Variants in ZNF469 observed in about 807,000 individuals in gnomAD.
ZNF469 encodes the protein zinc finger protein 469.
In ZNF469, 1 loss-of-function variant was observed where a neutral mutation model predicts 1.0. The ratio of observed to expected loss-of-function variants is 1.00; its 90% CI spans 0.35 to 4.73. The LOEUF is 4.73. Among genes scored for constraint, ZNF469 ranks in the 30% most tolerant of loss-of-function variants. The probability of loss-of-function intolerance (pLI) is 0.16; values close to 1 mark genes in which losing one functional copy is unlikely to be tolerated. For missense variants in ZNF469, 6,100 were observed against 5,356.3 expected, an observed-to-expected ratio of 1.14 and a Z score of -4.33; for synonymous variants, 2,703 against 2,363.4, an observed-to-expected ratio of 1.14 and a Z score of -4.17.
At chr16:88,234,808 G>A in the ZNF469 span, 2 of 152,356 alleles carry the variant, frequency 1.3e-5, no homozygotes, top group South Asian at 2.1e-4. Flanking sequence ...GCCAGGCCTC[G>A]TTCCCATCAG....
chr16:88,239,659 TTTTTTTTG>T, the ZNF469 span, among the ~76,000 whole-genome samples: 35 of 113,196 alleles, frequency 3.1e-4, no homozygotes, highest in African/African-American at 1.2e-3. Flanking sequence ...GGCTTATTTT[TTTTTTTTG>T]TATATATATA....
At chr16:88,279,923 CG>C in the ZNF469 span, among the ~76,000 whole-genome samples, 1 of 145,774 alleles carries the variant, frequency 6.9e-6, no homozygotes, top group African/African-American at 2.6e-5. Context: ...CGGTCAGTAC[CG>C]TGTAGATATC....
chr16:88,198,859 G>A, the ZNF469 span, among the ~76,000 whole-genome samples: 3 of 152,210 alleles, frequency 2.0e-5, no homozygotes, highest in Admixed American at 6.5e-5. Flanking sequence ...TGCAGCAGAC[G>A]TGAGCCTGTG....
chr16:88,176,489 G>A, the ZNF469 span, among the ~76,000 whole-genome samples: 1 of 152,100 alleles, frequency 6.6e-6, no homozygotes, highest in Non-Finnish European at 1.5e-5. Flanking sequence ...GCCAGGCCAT[G>A]CCTCCAGCCC....
At chr16:88,341,308 G>A in the ZNF469 span, among the ~76,000 whole-genome samples, 5 of 152,306 alleles carry the variant, frequency 3.3e-5, no homozygotes, top group African/African-American at 1.2e-4. Flanking sequence ...CAGGGCCCAG[G>A]AGGCGCATGG....
chr16:88,358,142 C>A, the ZNF469 span, among the ~76,000 whole-genome samples: 1 of 152,214 alleles, frequency 6.6e-6, no homozygotes, highest in East Asian at 1.9e-4. Context: ...GGCCCCCAGC[C>A]GGCTTGCACT....
At chr16:88,314,602 CTG>C in the ZNF469 span, among the ~76,000 whole-genome samples, 1 of 150,990 alleles carries the variant, frequency 6.6e-6, no homozygotes, top group Non-Finnish European at 1.5e-5. Context: ...ACTGTCATCT[CTG>C]TGATTCAGTC....
chr16:88,230,846 C>T, the ZNF469 span, among the ~76,000 whole-genome samples: 1 of 152,194 alleles, frequency 6.6e-6, no homozygotes, highest in Admixed American at 6.5e-5. Flanking sequence ...CGTGGCCTCT[C>T]CTGTGGACAG....
At chr16:88,163,154 G>A in the ZNF469 span, among the ~76,000 whole-genome samples, 35,793 of 60,432 alleles carry the variant, frequency 0.59, 9,110 homozygotes, top group African/African-American at 0.62. Context: ...AGATAGGTGG[G>A]CAGTTGTGTG....
chr16:88,331,874 TC>T, the ZNF469 span, among the ~76,000 whole-genome samples: 10 of 151,982 alleles, frequency 6.6e-5, no homozygotes, highest in Admixed American at 2.6e-4. Flanking sequence ...TATTCATTTT[TC>T]CTTTTCTGGA....
At chr16:88,366,272 T>A in the ZNF469 span, among the ~76,000 whole-genome samples, 2 of 150,692 alleles carry the variant, frequency 1.3e-5, no homozygotes, top group African/African-American at 2.4e-5. Flanking sequence ...ATCATCACCA[T>A]CATTACCTTC....
the ZNF469 span, among the ~76,000 whole-genome samples, chr16:88,136,582 A>G: frequency 6.6e-6 from 1 of 152,374 alleles, no homozygotes; most frequent in East Asian, 1.9e-4. Context: ...AAACCTAGCT[A>G]GCAGATGTAG....
the ZNF469 span, among the ~76,000 whole-genome samples, chr16:88,157,017 G>C: frequency 6.6e-6 from 1 of 152,242 alleles, no homozygotes; most frequent in Non-Finnish European, 1.5e-5. Flanking sequence ...GTCATCTCTA[G>C]ATGGGCCTCG....
chr16:88,164,164 G>GGA, the ZNF469 span, among the ~76,000 whole-genome samples: 13 of 151,836 alleles, frequency 8.6e-5, no homozygotes, highest in Non-Finnish European at 1.8e-4. Context: ...ATAGATGAAT[G>GGA]TATGGATGGA....
At chr16:88,112,209 G>T in the ZNF469 span, among the ~76,000 whole-genome samples, 1 of 152,202 alleles carries the variant, frequency 6.6e-6, no homozygotes, top group Non-Finnish European at 1.5e-5. Flanking sequence ...AGGCTGAGGT[G>T]GGTGGATCCC....
chr16:88,310,151 T>C, the ZNF469 span, among the ~76,000 whole-genome samples: 1 of 151,976 alleles, frequency 6.6e-6, no homozygotes, highest in South Asian at 2.1e-4. Flanking sequence ...GGTCATCAGG[T>C]GGGACAGCCT....
chr16:88,429,608 C>T lies in ZNF469; in HGVS notation c.2138C>T (p.Pro713Leu). 6.5e-7 allele frequency: 1 copy of T among 1,548,270 alleles called. No homozygotes were observed. Among genetic ancestry groups the T allele is most frequent in the Non-Finnish European group, 8.7e-7 (1 of 1,145,732 alleles). The change falls in exon 3 of 3, where the codon CCC (proline) becomes CTC (leucine). Residue 713 changes from proline to leucine, a missense_variant. Coordinates refer to ENST00000565624, the MANE Select transcript of ZNF469 (RefSeq NM_001367624.2). ...TTCCCCCGTGCGCCGCCTCCGTACCCCACACACCACTTCTCCCTCAGCAGC... is the reference window on the plus strand; with the variant it reads ...TTCCCCCGTGCGCCGCCTCCGTACCTCACACACCACTTCTCCCTCAGCAGC... ...QGFPRAPPPY[P>L]THHFSLSSAS...
chr16:88,157,810 G>A, the ZNF469 span, among the ~76,000 whole-genome samples: 288 of 152,008 alleles, frequency 1.9e-3, 1 homozygote, highest in African/African-American at 6.3e-3. Flanking sequence ...TTATATGACC[G>A]TGCCATCCTC....
At chr16:88,337,148 C>G in the ZNF469 span, among the ~76,000 whole-genome samples, 2 of 152,302 alleles carry the variant, frequency 1.3e-5, no homozygotes, top group African/African-American at 4.8e-5. Context: ...ACGTTCACAC[C>G]TGGTATGGTT....
Sources: allele counts gnomAD v4.1 joint callset (sites outside exome capture counted in the v4.1 genomes callset), GRCh38; gene constraint gnomAD v4.1.1; transcripts MANE v1.5; gene names NCBI Gene and HGNC (gene_info 2026-07-23, HGNC 2026-07-21).